The following NSD3 variants were observed in gnomAD, a reference collection of about 807,000 sequenced individuals.
The protein encoded by NSD3 is histone-lysine N-methyltransferase NSD3.
Under a neutral mutation model 160.8 loss-of-function variants are expected in NSD3, and 24 were observed. The ratio of observed to expected loss-of-function variants is 0.15; its 90% CI spans 0.11 to 0.21. The LOEUF (loss-of-function observed/expected upper bound fraction) is 0.21. Ranked by LOEUF, NSD3 falls within the 10% of genes least tolerant of loss-of-function variation. NSD3 has a pLI of 1.00. For synonymous variants in NSD3, 520 were observed against 600.0 expected, an observed-to-expected ratio of 0.87 and a Z score of 1.95; for missense variants, 1,157 against 1,735.9, an observed-to-expected ratio of 0.67 and a Z score of 5.93.
intron 5 of NSD3, 135 bp from the exon 6 acceptor site, chr8:38,330,028 G>T (rs1004109724): frequency 2.0e-6 from 2 of 996,412 alleles, no homozygotes; most frequent in Non-Finnish European, 2.9e-6. Context: ...CAAACAAGTG[G>T]AATGTTCTAT....
intron 2 of NSD3, among the ~76,000 whole-genome samples, chr8:38,345,826 T>A (rs1389972425): frequency 6.6e-6 from 1 of 151,824 alleles, no homozygotes; most frequent in Non-Finnish European, 1.5e-5. Flanking sequence ...GGAGAATTGC[T>A]TGAACCCTGG....
chr8:38,277,316 C>T (rs1315193654), intron 22 of NSD3, among the ~76,000 whole-genome samples: 2 of 152,092 alleles, frequency 1.3e-5, no homozygotes, highest in Non-Finnish European at 2.9e-5. Context: ...CTCGCTCTGT[C>T]GCCCATGTTG....
intron 11 of NSD3, 119 bp from the exon 12 acceptor site, chr8:38,314,892 G>T (rs924821783): frequency 8.9e-7 from 1 of 1,125,472 alleles, no homozygotes. Context: ...CAGTAGGTCT[G>T]GCGGGGGCCC....
intron 1 of NSD3, among the ~76,000 whole-genome samples, chr8:38,361,911 T>C (rs1336581599): frequency 6.6e-6 from 1 of 151,986 alleles, no homozygotes; most frequent in South Asian, 2.1e-4. Flanking sequence ...TTCTAACCTG[T>C]AGTGGAAGAG....
At chr8:38,326,662 C>T (rs1809919496) in intron 7 of NSD3, 68 bp downstream of exon 7, 2 of 1,370,682 alleles carry the variant, frequency 1.5e-6, no homozygotes, top group Non-Finnish European at 1.9e-6. Flanking sequence ...ACACAGCTAC[C>T]ACATTATAGC....
rs1159752000 is a variant in NSD3 at position 38,317,798 on chromosome 8, CAG to C, written c.1855+1095_1855+1096del. 13 of 1,442,196 alleles carry C rather than the reference CAG, an allele frequency of 9.0e-6. No individual in the cohort carries two copies. The Admixed American group carries it at 2.5e-4, about 27-fold the overall frequency. 89.3% of individuals were successfully genotyped at this position (1,442,196 alleles called of 1,614,324 possible). The stretch of plus-strand genomic sequence containing the variant: ...TCATTTGACTGTTAAAGCAATTGTT[CAG>C]AGTCTTGAAGAAGAAACCAGGCAGG... On this transcript the variant is annotated intron_variant, in intron 9 of 23. Coordinates refer to ENST00000317025, the MANE Select transcript of NSD3 (RefSeq NM_023034.2). This position sits in a 1 kb window ranked among gnomAD's most constrained non-coding sequence, Gnocchi z 5.3.
chr8:38,344,476 G>GT (rs536551594), intron 2 of NSD3, among the ~76,000 whole-genome samples: 168 of 152,222 alleles, frequency 1.1e-3, no homozygotes, highest in African/African-American at 3.9e-3. Flanking sequence ...GTTTCACCAT[G>GT]TTGGCCAGGC....
intron 12 of NSD3, among the ~76,000 whole-genome samples, chr8:38,313,119 T>C (rs1248317917): frequency 2.6e-5 from 4 of 152,222 alleles, no homozygotes; most frequent in African/African-American, 4.8e-5. Context: ...CTAAATGTGA[T>C]GAATAAAATA....
chr8:38,367,064 A>G (rs538369338), intron 1 of NSD3, among the ~76,000 whole-genome samples: 11 of 152,314 alleles, frequency 7.2e-5, no homozygotes, highest in Non-Finnish European at 8.8e-5. Flanking sequence ...AAGAAGTCAC[A>G]TAAGAGGAAG....
chr8:38,336,020 T>C (rs1810207547), intron 4 of NSD3: 1 of 152,234 alleles, frequency 6.6e-6, no homozygotes, highest in Admixed American at 6.5e-5. Flanking sequence ...TTGAGCCAGA[T>C]GGCCTTCTAT....
chr8:38,359,919 C>T (rs377614896), intron 1 of NSD3, among the ~76,000 whole-genome samples: 87 of 152,128 alleles, frequency 5.7e-4, no homozygotes, highest in African/African-American at 1.7e-3. Context: ...TTGGCAGTTA[C>T]AGTTATCCAA....
In NSD3 at chr8:38,317,471, G is replaced by A. The variant is rs1219643836; in HGVS notation, c.1855+1424C>T. 1.9e-6 allele frequency: 2 copies of A among 1,055,744 alleles called. No individual in the cohort carries two copies. Among genetic ancestry groups the A allele is most frequent in the Non-Finnish European group, 2.3e-6 (2 of 873,206 alleles). 65.4% of individuals were successfully genotyped at this position (1,055,744 alleles called of 1,614,324 possible). On this transcript the variant is annotated intron_variant, in intron 9 of 23. Coordinates refer to ENST00000317025, the MANE Select transcript of NSD3 (RefSeq NM_023034.2). This position sits in a 1 kb window ranked among gnomAD's most constrained non-coding sequence, Gnocchi z 5.3. Reference sequence around the variant, plus strand: ...GCTTTCGAAGGGAAACACAGGTACCGCCATTTCCGATGAGTTTCTGAAAAT... The same window carrying A: ...GCTTTCGAAGGGAAACACAGGTACCACCATTTCCGATGAGTTTCTGAAAAT...
chr8:38,362,218 C>A (rs1411527840), intron 1 of NSD3, among the ~76,000 whole-genome samples: 1 of 115,990 alleles, frequency 8.6e-6, no homozygotes, highest in Non-Finnish European at 1.6e-5. Context: ...TATCAATAAA[C>A]AAATCAATCC....
chr8:38,293,380 T>A (rs1021303171), intron 16 of NSD3, among the ~76,000 whole-genome samples: 7 of 150,998 alleles, frequency 4.6e-5, no homozygotes, highest in African/African-American at 1.2e-4. Context: ...TGAAACCCCG[T>A]CTCTACTAAA....
chr8:38,304,839 G>A, intron 13 of NSD3, 82 bp from the exon 14 acceptor site: 1 of 1,436,910 alleles, frequency 7.0e-7, no homozygotes, highest in Non-Finnish European at 9.2e-7. Flanking sequence ...GGCTTTTTTG[G>A]GTCCCTCTGA....
intron 1 of NSD3, among the ~76,000 whole-genome samples, chr8:38,365,968 C>T (rs1440368828): frequency 1.3e-5 from 2 of 151,784 alleles, no homozygotes; most frequent in Non-Finnish European, 2.9e-5. Flanking sequence ...GTTATGTAAA[C>T]ATAACTGATC....
chr8:38,281,434 C>T (rs774949004), intron 20 of NSD3, 33 bp downstream of exon 20: 2 of 1,170,834 alleles, frequency 1.7e-6, no homozygotes, highest in South Asian at 2.0e-5. Flanking sequence ...AAAACAAATC[C>T]CTTTTTCTTA....
chr8:38,288,505 G>A lies in NSD3; in HGVS notation c.3483C>T (p.Thr1161=). The stretch of plus-strand genomic sequence containing the variant: ...ATGCTACCTTCTTAATGCTCCTTTT[G>A]GTCCTGAGGCCCCAGCCTCTCCGCT... The part of the protein sequence containing the change: ...KTERRGWGLR[T]KRSIKKGEFV... The change falls in exon 19 of 24, where the codon ACC becomes ACT. Residue 1161 remains threonine (T), a synonymous_variant. Coordinates refer to ENST00000317025, the MANE Select transcript of NSD3 (RefSeq NM_023034.2). The surrounding 1 kb of genome is among the most constrained non-coding windows in gnomAD (Gnocchi z 4.5). 1 of 1,613,998 alleles carries A rather than the reference G, an allele frequency of 6.2e-7. No individual in the cohort carries two copies. The highest frequency in any genetic ancestry group is 2.2e-5 in the East Asian group (1 of 44,880).
At chr8:38,293,922 CAAAAAAAAAAAA>C (rs11290856) in intron 16 of NSD3, among the ~76,000 whole-genome samples, 30 of 49,936 alleles carry the variant, frequency 6.0e-4, no homozygotes, top group African/African-American at 1.9e-3. Context: ...GACTCCGTCT[CAAAAAAAAAAAA>C]AAAAAAAAAA....
Sources: gnomAD v4.1 joint callset for allele counts (sites outside exome capture counted in the v4.1 genomes callset) on GRCh38, gnomAD v4.1.1 for gene constraint, Gnocchi (gnomAD v3.1) non-coding constraint, MANE v1.5 for transcripts, NCBI Gene and HGNC (gene_info 2026-07-23, HGNC 2026-07-21) for gene names.